The following AGBL1 variants were observed in gnomAD, a reference collection of about 807,000 sequenced individuals.
AGBL1 encodes cytosolic carboxypeptidase 4.
In AGBL1, 130 loss-of-function variants were observed where a neutral mutation model predicts 118.9. That is an observed-to-expected ratio of 1.09 (90% CI 0.95 to 1.26). The LOEUF (loss-of-function observed/expected upper bound fraction) is 1.26. AGBL1 is among the 50% of genes most tolerant of loss of function. The probability of loss-of-function intolerance (pLI) is 0.00; values close to 1 mark genes in which losing one functional copy is unlikely to be tolerated. For synonymous variants in AGBL1, 555 were observed against 478.9 expected (o/e 1.16, Z -2.08); for missense variants, 1,584 against 1,298.1 (o/e 1.22, Z -3.38).
intron 5 of AGBL1, among the ~76,000 whole-genome samples, chr15:86,191,169 C>T (rs1407389995): frequency 6.6e-6 from 1 of 150,680 alleles, no homozygotes; most frequent in African/African-American, 2.4e-5. Context: ...ATGGTGAAAC[C>T]CCCCCTCCCT....
chr15:86,787,784 A>G (rs1488401222), intron 22 of AGBL1, among the ~76,000 whole-genome samples: 1 of 152,004 alleles, frequency 6.6e-6, no homozygotes, highest in Non-Finnish European at 1.5e-5. Context: ...GATAATTTGC[A>G]TTTTTCTCAA....
chr15:86,275,097 C>T (rs1190133223), intron 15 of AGBL1, among the ~76,000 whole-genome samples: 1 of 152,140 alleles, frequency 6.6e-6, no homozygotes, highest in African/African-American at 2.4e-5. Flanking sequence ...CTGTGGTCTG[C>T]TTCTTCCTCT....
intron 21 of AGBL1, among the ~76,000 whole-genome samples, chr15:86,668,087 C>G (rs1223218948): frequency 6.6e-6 from 1 of 152,132 alleles, no homozygotes; most frequent in Non-Finnish European, 1.5e-5. Flanking sequence ...CTTGCCTGAA[C>G]TAACAATTCA....
chr15:86,280,479 C>G (rs910377922), intron 16 of AGBL1, among the ~76,000 whole-genome samples: 1 of 152,176 alleles, frequency 6.6e-6, no homozygotes, highest in Non-Finnish European at 1.5e-5. Flanking sequence ...AACCATGCAG[C>G]TTTCTGTCAT....
At position 86,625,364 on chromosome 15, in the gene AGBL1, C is replaced by CCTTTTTTTTTTTTTTTTTTT. The variant is rs1429206623; in HGVS notation, c.2995-48909_2995-48908insCTTTTTTTTTTTTTTTTTTT. On this transcript the variant is annotated intron_variant, in intron 21 of 22. Transcript: ENST00000614907. The stretch of plus-strand genomic sequence containing the variant: ...CAGCCTCCAAGGTAGAAGAAATTAG[C>CCTTTTTTTTTTTTTTTTTTT]GTTTTTTTTTTTTTGTTTTTGTTTT... 8.8e-5 allele frequency among the ~76,000 whole-genome samples: 6 copies of CCTTTTTTTTTTTTTTTTTTT among 68,260 alleles called. 3 individuals are homozygous for CCTTTTTTTTTTTTTTTTTTT. The highest frequency in any genetic ancestry group is 1.1e-4 in the Non-Finnish European group (4 of 35,668). The allele number at this position is 68,260 out of a possible 152,430, so 44.8% of individuals were successfully genotyped here.
chr15:86,943,228 C>A (rs933062713), intron 23 of AGBL1, among the ~76,000 whole-genome samples: 18 of 152,298 alleles, frequency 1.2e-4, no homozygotes, highest in African/African-American at 3.6e-4. Flanking sequence ...ATCTGGAACA[C>A]ATCACTTTTA....
chr15:86,375,764 G>A (rs2081034585), intron 17 of AGBL1, among the ~76,000 whole-genome samples: 1 of 152,156 alleles, frequency 6.6e-6, no homozygotes, highest in Non-Finnish European at 1.5e-5. Context: ...CTGCTTCTGT[G>A]TTCAGTTACT....
chr15:86,113,213 T>TTTTCTTTTCC (rs1897509285), intron 1 of AGBL1, among the ~76,000 whole-genome samples: 1 of 10,788 alleles, frequency 9.3e-5, no homozygotes, highest in Non-Finnish European at 1.5e-4. Context: ...TTCTTTTTCT[T>TTTTCTTTTCC]TTTCTTTTCT....
intron 22 of AGBL1, among the ~76,000 whole-genome samples, chr15:86,810,046 C>G (rs142548157): frequency 3.5e-4 from 54 of 152,268 alleles, no homozygotes; most frequent in African/African-American, 1.3e-3. Context: ...CCTGGGTTCA[C>G]TACAACTTAA....
At chr15:86,452,236 C>A (rs1432322002) in intron 18 of AGBL1, among the ~76,000 whole-genome samples, 2 of 152,216 alleles carry the variant, frequency 1.3e-5, no homozygotes, top group East Asian at 3.9e-4. Flanking sequence ...GGTCTCCAGG[C>A]AGGCCAAGTG....
At chr15:86,705,056 C>A (rs951486749) in intron 22 of AGBL1, among the ~76,000 whole-genome samples, 1 of 152,080 alleles carries the variant, frequency 6.6e-6, no homozygotes, top group Non-Finnish European at 1.5e-5. Flanking sequence ...CACTGCATGT[C>A]CTCACTCATA....
intron 5 of AGBL1, among the ~76,000 whole-genome samples, chr15:86,198,746 C>A (rs1229209851): frequency 6.6e-6 from 1 of 151,998 alleles, no homozygotes; most frequent in East Asian, 1.9e-4. Context: ...TGAGAAAGTG[C>A]TGTCTGCAAG....
At chr15:86,348,584 C>A (rs2080576615) in intron 17 of AGBL1, among the ~76,000 whole-genome samples, 1 of 152,090 alleles carries the variant, frequency 6.6e-6, no homozygotes, top group Non-Finnish European at 1.5e-5. Context: ...TTGAGACCAG[C>A]TTAACCAACA....
intron 1 of AGBL1, among the ~76,000 whole-genome samples, chr15:86,085,304 C>CG (rs1895568578): frequency 6.6e-6 from 1 of 151,928 alleles, no homozygotes; most frequent in African/African-American, 2.4e-5. Context: ...CCGGTCATGG[C>CG]GGGGGTGGGG....
chr15:86,786,095 T>C (rs578176232), intron 22 of AGBL1, among the ~76,000 whole-genome samples: 6 of 152,286 alleles, frequency 3.9e-5, no homozygotes, highest in African/African-American at 1.4e-4. Context: ...TGAAAGTTTT[T>C]CTGGATTATT....
chr15:86,141,373 C>A (rs2076960754), intron 1 of AGBL1, among the ~76,000 whole-genome samples: 1 of 152,146 alleles, frequency 6.6e-6, no homozygotes, highest in Non-Finnish European at 1.5e-5. Flanking sequence ...GAAAAATAAG[C>A]CGGCCGGGTG....
chr15:86,499,364 G>T (rs991345339), intron 18 of AGBL1, among the ~76,000 whole-genome samples: 5 of 151,862 alleles, frequency 3.3e-5, no homozygotes, highest in Non-Finnish European at 7.4e-5. Flanking sequence ...CTGGAGAAAA[G>T]AATAATATGG....
rs151318769 is a variant in AGBL1, at chr15:86,431,045, T to A, written c.2555+33499T>A. Among the ~76,000 whole-genome samples the A allele has an allele frequency of 3.2e-3, 482 of 152,306 alleles. 1 individual carries two copies. Among genetic ancestry groups the A allele is most frequent in the African/African-American group, 0.011 (455 of 41,558 alleles). On this transcript the variant is annotated intron_variant, in intron 18 of 22. Transcript: ENST00000614907. ...CAGTTACCAAGTGGCGGAGCTGGGA[T>A]TAGAACCTGGTCTATCTTGCTCCAA...
At chr15:87,019,294 C>T (rs1171643523) in intron 24 of AGBL1, among the ~76,000 whole-genome samples, 2 of 152,104 alleles carry the variant, frequency 1.3e-5, no homozygotes, top group Admixed American at 1.3e-4. Flanking sequence ...ATAGAACTCT[C>T]CACCCAAAAC....
Sources: gnomAD v4.1 joint callset for allele counts (sites outside exome capture counted in the v4.1 genomes callset) on GRCh38, gnomAD v4.1.1 for gene constraint, MANE v1.5 for transcripts, NCBI Gene and HGNC (gene_info 2026-07-23, HGNC 2026-07-21) for gene names.